The following ZFHX3 variants were observed in gnomAD, a reference collection of about 807,000 sequenced individuals.
ZFHX3 encodes the protein zinc finger homeobox protein 3.
In ZFHX3, 42 loss-of-function variants were observed where a neutral mutation model predicts 279.1. The observed-to-expected ratio is 0.15, with a 90% CI of 0.12 to 0.19. ZFHX3 has a LOEUF of 0.19. ZFHX3 is among the 10% of genes least tolerant of loss of function. The pLI is 1.00. For missense variants in ZFHX3, 4,981 were observed against 4,754.0 expected, an observed-to-expected ratio of 1.05 and a Z score of -1.40; for synonymous variants, 2,293 against 1,957.8, an observed-to-expected ratio of 1.17 and a Z score of -4.52.
intron 3 of ZFHX3, among the ~76,000 whole-genome samples, chr16:73,439,696 C>T (rs148379874): frequency 1.7e-4 from 26 of 152,032 alleles, no homozygotes; most frequent in African/African-American, 6.3e-4. Context: ...TCCCTCCTTC[C>T]CCCCTTTCAA....
chr16:73,227,063 T>C (rs904268509), intron 5 of ZFHX3, among the ~76,000 whole-genome samples: 3 of 152,226 alleles, frequency 2.0e-5, no homozygotes, highest in Non-Finnish European at 4.4e-5. Flanking sequence ...TGATTGCTTT[T>C]ACACTTTCTG....
chr16:73,090,270 A>G (rs1258805868), intron 8 of ZFHX3, among the ~76,000 whole-genome samples: 1 of 152,052 alleles, frequency 6.6e-6, no homozygotes, highest in Non-Finnish European at 1.5e-5. Flanking sequence ...GCATGCGCCC[A>G]TGGTCCCAGC....
At chr16:72,901,774 T>C (rs1257095149) in intron 3 of ZFHX3, among the ~76,000 whole-genome samples, 1 of 152,216 alleles carries the variant, frequency 6.6e-6, no homozygotes, top group Non-Finnish European at 1.5e-5. Context: ...GAGATGGCTG[T>C]ATGCAGAACG....
intron 3 of ZFHX3, among the ~76,000 whole-genome samples, chr16:72,913,910 T>G (rs1458441533): frequency 6.6e-6 from 1 of 152,164 alleles, no homozygotes; most frequent in Non-Finnish European, 1.5e-5. Flanking sequence ...AGGTGCTGTG[T>G]AGCTATAGAT....
At chr16:73,007,407 C>T (rs1963749161) in intron 1 of ZFHX3, among the ~76,000 whole-genome samples, 1 of 152,158 alleles carries the variant, frequency 6.6e-6, no homozygotes, top group Non-Finnish European at 1.5e-5. Flanking sequence ...ATAACTTATC[C>T]TTTAAACTTC....
intron 7 of ZFHX3, among the ~76,000 whole-genome samples, chr16:73,111,803 T>G (rs1179360998): frequency 6.6e-6 from 1 of 152,052 alleles, no homozygotes; most frequent in African/African-American, 2.4e-5. Context: ...CCTAACACAT[T>G]CTAAACCCTT....
At chr16:72,916,620 A>C (rs1268938505) in intron 3 of ZFHX3, among the ~76,000 whole-genome samples, 1 of 152,206 alleles carries the variant, frequency 6.6e-6, no homozygotes, top group Non-Finnish European at 1.5e-5. Flanking sequence ...AAAACTAAAC[A>C]ATGGAGACAG....
intron 2 of ZFHX3, among the ~76,000 whole-genome samples, chr16:73,507,936 A>G (rs1007552722): frequency 1.3e-5 from 2 of 152,236 alleles, no homozygotes; most frequent in Non-Finnish European, 2.9e-5. Context: ...GTACCTAGAC[A>G]TAAAAGATGC....
intron 1 of ZFHX3, among the ~76,000 whole-genome samples, chr16:72,965,933 T>G (rs1239265746): frequency 6.6e-6 from 1 of 152,230 alleles, no homozygotes; most frequent in Non-Finnish European, 1.5e-5. Context: ...TTACTTAGAC[T>G]TAATGATCTG....
At chr16:72,868,700 G>A (rs1401108151) in intron 4 of ZFHX3, among the ~76,000 whole-genome samples, 1 of 152,200 alleles carries the variant, frequency 6.6e-6, no homozygotes, top group Non-Finnish European at 1.5e-5. Flanking sequence ...AGGCTTCTTA[G>A]GAATCTTCTC....
chr16:73,420,561 C>T (rs2017698058), intron 3 of ZFHX3: 1 of 152,190 alleles, frequency 6.6e-6, no homozygotes, highest in Admixed American at 6.5e-5. Context: ...CGCATATTGC[C>T]AAGACGGAAT....
chr16:72,897,319 G>C (rs1359594760), intron 3 of ZFHX3, among the ~76,000 whole-genome samples: 3 of 152,168 alleles, frequency 2.0e-5, no homozygotes, highest in Non-Finnish European at 4.4e-5. Context: ...GAGAAGATGG[G>C]GACCAGTAAG....
intron 3 of ZFHX3, among the ~76,000 whole-genome samples, chr16:73,425,011 G>A (rs748885048): frequency 3.9e-5 from 6 of 152,264 alleles, no homozygotes; most frequent in Middle Eastern, 3.4e-3. Context: ...GCGGGAGTGC[G>A]TCTTGCCTGT....
intron 7 of ZFHX3, among the ~76,000 whole-genome samples, chr16:72,803,802 G>A (rs984666322): frequency 2.0e-5 from 3 of 152,146 alleles, no homozygotes; most frequent in Non-Finnish European, 4.4e-5. Flanking sequence ...GAAGACAAAA[G>A]TTTTTCTGGT....
chr16:73,405,518 C>A (rs2017341653), intron 3 of ZFHX3, among the ~76,000 whole-genome samples: 1 of 151,790 alleles, frequency 6.6e-6, no homozygotes, highest in Non-Finnish European at 1.5e-5. Context: ...CATCAAGACA[C>A]AGATTTATTA....
intron 2 of ZFHX3, among the ~76,000 whole-genome samples, chr16:73,508,186 T>C (rs1197671667): frequency 1.3e-5 from 2 of 152,146 alleles, no homozygotes; most frequent in African/African-American, 4.8e-5. Context: ...TTCCTAGGCC[T>C]CAATGCCATC....
chr16:72,880,329 C>T (rs1012024819), intron 4 of ZFHX3, among the ~76,000 whole-genome samples: 1 of 152,124 alleles, frequency 6.6e-6, no homozygotes, highest in Non-Finnish European at 1.5e-5. Flanking sequence ...ACCTCCAGTA[C>T]CTGAGGATGT....
chr16:73,298,286 G>A (rs1169853451), intron 4 of ZFHX3, among the ~76,000 whole-genome samples: 4 of 151,182 alleles, frequency 2.6e-5, no homozygotes, highest in African/African-American at 9.8e-5. Context: ...CCAGGTTCAA[G>A]CGATTCTCCT....
At chr16:72,996,107 A>AACACAC (rs10550323) in intron 1 of ZFHX3, among the ~76,000 whole-genome samples, 37 of 147,082 alleles carry the variant, frequency 2.5e-4, no homozygotes, top group South Asian at 6.6e-4. Context: ...GTCTCTACTA[A>AACACAC]ACACACACAC....
Sources: allele counts gnomAD v4.1 joint callset (sites outside exome capture counted in the v4.1 genomes callset), GRCh38; gene constraint gnomAD v4.1.1; transcripts MANE v1.5; gene names NCBI Gene and HGNC (gene_info 2026-07-23, HGNC 2026-07-21).